SRRM1: variants seen among roughly 807,000 people sequenced by gnomAD.
The protein encoded by SRRM1 is serine/arginine repetitive matrix protein 1.
SRRM1 carries 19 observed loss-of-function variants against 110.2 expected under a neutral mutation model. The observed-to-expected ratio is 0.17, with a 90% confidence interval of 0.12 to 0.25. The LOEUF is 0.25. SRRM1 is among the 10% of genes least tolerant of loss of function. SRRM1 has a pLI of 1.00. For synonymous variants in SRRM1, 443 were observed against 414.9 expected (o/e 1.07, Z -0.82); for missense variants, 918 against 1,145.8 (o/e 0.80, Z 2.87).
chr1:24,662,924 TG>T, intron 12 of SRRM1, 120 bp downstream of exon 12: 1 of 1,383,996 alleles, frequency 7.2e-7, no homozygotes, highest in South Asian at 1.4e-5. Context: ...GTTGGATTTT[TG>T]TTTGCTTTTT....
Position 24,654,813 on chromosome 1 carries a change from T to G in SRRM1, c.1041-42T>G, listed in dbSNP as rs747265895. 9.3e-6 allele frequency: 15 copies of G among 1,611,108 alleles called. No individual in the cohort carries two copies. The South Asian group carries it at 1.5e-4, about 17-fold the overall frequency. On this transcript the variant is annotated intron_variant, in intron 8 of 16. Transcript: ENST00000323848. ...TGTTCATACCTGTAAGGCCGTTCTT[T>G]ATAAGTGTGCAATTAGTGAATATGA...
Position 24,649,038 on chromosome 1 carries a change from C to G in SRRM1, c.405+9C>G, listed in dbSNP as rs200645222. The G allele has an allele frequency of 4.3e-6, 7 of 1,609,378 alleles. No homozygotes were observed. The highest frequency in any genetic ancestry group is 5.9e-6 in the Non-Finnish European group (7 of 1,178,686). On this transcript the variant is annotated intron_variant, in intron 4 of 16. Transcript: ENST00000323848. Reference sequence around the variant, plus strand: ...AAATAAAACAAAGACAGGTAATAACCTTTTCTTTTCTGTAATGTCGATTTG... The same window carrying G: ...AAATAAAACAAAGACAGGTAATAACGTTTTCTTTTCTGTAATGTCGATTTG...
At chr1:24,645,248 C>T (rs13375552) in intron 1 of SRRM1, among the ~76,000 whole-genome samples, 5,218 of 152,172 alleles carry the variant, frequency 0.034, 279 homozygotes, top group African/African-American at 0.12. Context: ...CAGTTTTTAC[C>T]TTCTCAAACA....
chr1:24,668,225 C>G (rs958363949), intron 13 of SRRM1, among the ~76,000 whole-genome samples: 3 of 151,898 alleles, frequency 2.0e-5, no homozygotes, highest in African/African-American at 7.2e-5. Flanking sequence ...GCCTCAGCCT[C>G]CCAGAGTGCT....
intron 12 of SRRM1, among the ~76,000 whole-genome samples, chr1:24,665,585 C>T (rs1213050463): frequency 2.7e-5 from 4 of 149,034 alleles, no homozygotes; most frequent in African/African-American, 1.0e-4. Context: ...TGGTGGCGGG[C>T]ACCTGTAGTC....
At chr1:24,659,736 G>A (rs1666167005) in intron 9 of SRRM1, among the ~76,000 whole-genome samples, 1 of 151,292 alleles carries the variant, frequency 6.6e-6, no homozygotes, top group African/African-American at 2.5e-5. Flanking sequence ...GGGAGAAAGG[G>A]ATGTGATACT....
At chr1:24,668,393 A>G (rs997514502) in intron 13 of SRRM1, among the ~76,000 whole-genome samples, 3 of 152,200 alleles carry the variant, frequency 2.0e-5, no homozygotes, top group African/African-American at 7.2e-5. Flanking sequence ...CAGGTGAGGA[A>G]ATGGGAGTTG....
At chr1:24,652,757 A>C in intron 7 of SRRM1, 129 bp downstream of exon 7, 3 of 1,300,260 alleles carry the variant, frequency 2.3e-6, no homozygotes, top group Non-Finnish European at 3.1e-6. Context: ...GTACACAGAG[A>C]ATTTGAGGAC....
At chr1:24,656,281 G>T (rs777722733) in intron 9 of SRRM1, among the ~76,000 whole-genome samples, 1 of 152,154 alleles carries the variant, frequency 6.6e-6, no homozygotes, top group African/African-American at 2.4e-5. Flanking sequence ...TGACAATGAG[G>T]CATAGATAAG....
In SRRM1 at chr1:24,670,292, A is replaced by G. The variant is rs763225403; in HGVS notation, c.2377A>G (p.Thr793Ala). The stretch of plus-strand genomic sequence containing the variant: ...ACCGGTCAAAAAGGCCAAAAGCCCA[A>G]CACCGAGCCCATCACCGCCAAGAGT... ...AVPVKKAKSP[T>A]PSPSPPRNSD... The change falls in exon 15 of 17, where the codon ACA becomes GCA. Residue 793 changes from threonine to alanine, a missense_variant. Transcript: ENST00000323848. The G allele has an allele frequency of 7.4e-6, 12 of 1,612,800 alleles. No homozygotes were observed. Among genetic ancestry groups the G allele is most frequent in the Non-Finnish European group, 1.0e-5 (12 of 1,179,660 alleles).
At position 24,652,915 on chromosome 1, in the gene SRRM1, C is replaced by T. The variant is rs774391811; in HGVS notation, c.923C>T (p.Ser308Leu). ...CCTAATTCTCTTTGTTATGGCAGATCGTATTCACCTAGAAGGCGGCCAAGC... is the reference window on the plus strand; with the variant it reads ...CCTAATTCTCTTTGTTATGGCAGATTGTATTCACCTAGAAGGCGGCCAAGC... ...PRRRHRSRSR[S>L]YSPRRRPSPR... The change falls in exon 8 of 17, where the codon TCG (serine) becomes TTG (leucine). Residue 308 changes from serine to leucine, a missense_variant and splice_region_variant. Transcript: ENST00000323848. 1.2e-6 allele frequency: 2 copies of T among 1,613,370 alleles called. No homozygotes were observed. The highest frequency in any genetic ancestry group is 1.7e-5 in the Admixed American group (1 of 59,898).
intron 9 of SRRM1, among the ~76,000 whole-genome samples, chr1:24,655,582 G>A (rs1663632108): frequency 6.6e-6 from 1 of 152,126 alleles, no homozygotes; most frequent in Admixed American, 6.5e-5. Context: ...CCTCTTAAAA[G>A]CTGATTTGTT....
chr1:24,649,877 A>G, intron 4 of SRRM1, 94 bp from the exon 5 acceptor site: 1 of 1,113,162 alleles, frequency 9.0e-7, no homozygotes, highest in Non-Finnish European at 1.2e-6. Flanking sequence ...CGATGAAATG[A>G]TAATAGCATT....
intron 9 of SRRM1, among the ~76,000 whole-genome samples, chr1:24,659,493 A>C (rs1166305593): frequency 6.6e-6 from 1 of 152,182 alleles, no homozygotes; most frequent in Admixed American, 6.5e-5. Context: ...GGATGTTCTC[A>C]AGTGGTGTTT....
chr1:24,652,031 T>A lies in SRRM1; in HGVS notation c.726-403T>A, dbSNP rs562039286. Among the ~76,000 whole-genome samples, 273 of 72,914 alleles carry A rather than the reference T, an allele frequency of 3.7e-3. 2 individuals carry two copies. The highest frequency in any genetic ancestry group is 0.036 in the South Asian group (92 of 2,552). 47.8% of individuals were successfully genotyped at this position (72,914 alleles called of 152,430 possible). A position where few individuals can be genotyped will look rare whatever the true frequency, so the allele number is the denominator to read the frequency against. Reference sequence around the variant, plus strand: ...GGTGAAACTCCATCTGTACTAAAAATATATATATATATATATATATATATA... The same window carrying A: ...GGTGAAACTCCATCTGTACTAAAAAAATATATATATATATATATATATATA... On this transcript the variant is annotated intron_variant, in intron 6 of 16. Coordinates refer to ENST00000323848, the MANE Select transcript of SRRM1 (RefSeq NM_005839.4).
intron 14 of SRRM1, 85 bp from the exon 15 acceptor site, chr1:24,670,035 C>A: frequency 8.4e-7 from 1 of 1,195,990 alleles, no homozygotes; most frequent in Non-Finnish European, 1.2e-6. Context: ...AATTCATAAC[C>A]TGGTTGTACA....
At chr1:24,662,576 C>A in intron 11 of SRRM1, 84 bp from the exon 12 acceptor site, 2 of 1,406,594 alleles carry the variant, frequency 1.4e-6, no homozygotes, top group Non-Finnish European at 2.0e-6. Context: ...CCCTAGTGAA[C>A]ACTCCATCCA....
intron 5 of SRRM1, among the ~76,000 whole-genome samples, chr1:24,650,941 A>T (rs1000222346): frequency 2.0e-5 from 3 of 152,180 alleles, no homozygotes; most frequent in Non-Finnish European, 4.4e-5. Flanking sequence ...TGGATGTTTG[A>T]TGTATATTTC....
intron 1 of SRRM1, among the ~76,000 whole-genome samples, chr1:24,644,900 G>A (rs1197307590): frequency 6.6e-6 from 1 of 152,170 alleles, no homozygotes; most frequent in Non-Finnish European, 1.5e-5. Context: ...AAGTTTGCTT[G>A]TGGTATTGGT....
Sources: gnomAD v4.1 joint callset for allele counts (sites outside exome capture counted in the v4.1 genomes callset) on GRCh38, gnomAD v4.1.1 for gene constraint, MANE v1.5 for transcripts, NCBI Gene and HGNC (gene_info 2026-07-23, HGNC 2026-07-21) for gene names.